The following EPB41 variants were observed in gnomAD, a reference collection of about 807,000 sequenced individuals.
The protein encoded by EPB41 is protein 4.1.
EPB41 carries 65 observed loss-of-function variants against 108.0 expected under a neutral mutation model. The observed-to-expected ratio is 0.60, with a 90% CI of 0.49 to 0.74. The LOEUF (loss-of-function observed/expected upper bound fraction) is 0.74. Among genes scored for constraint, EPB41 ranks in the 30% least tolerant of loss-of-function variants. The pLI is 0.00. For missense variants in EPB41, 875 were observed against 1,037.0 expected, an observed-to-expected ratio of 0.84 and a Z score of 2.15; for synonymous variants, 336 against 358.9, an observed-to-expected ratio of 0.94 and a Z score of 0.72.
At chr1:29,114,315 G>C (rs1670162865) in intron 19 of EPB41, among the ~76,000 whole-genome samples, 2 of 152,296 alleles carry the variant, frequency 1.3e-5, no homozygotes, top group South Asian at 2.1e-4. Context: ...CAACAGTGTG[G>C]TAAAGAGGAA....
chr1:29,008,825 G>T (rs758880027), intron 4 of EPB41, among the ~76,000 whole-genome samples: 8 of 152,162 alleles, frequency 5.3e-5, no homozygotes, highest in Non-Finnish European at 1.0e-4. Context: ...CAGCAACTCA[G>T]GTGTATTGCA....
chr1:28,952,890 C>T (rs1012373097), intron 1 of EPB41, among the ~76,000 whole-genome samples: 1 of 152,126 alleles, frequency 6.6e-6, no homozygotes, highest in Non-Finnish European at 1.5e-5. Context: ...CCACCACGCC[C>T]AGCTAATTTT....
At chr1:28,892,826 C>G (rs886812901) in intron 1 of EPB41, among the ~76,000 whole-genome samples, 14 of 99,480 alleles carry the variant, frequency 1.4e-4, no homozygotes, top group African/African-American at 5.5e-4. Flanking sequence ...TTTTTTGAGA[C>G]AGAATCTTAC....
chr1:28,924,014 C>T (rs1409117298), intron 1 of EPB41, among the ~76,000 whole-genome samples: 2 of 152,150 alleles, frequency 1.3e-5, no homozygotes, highest in Non-Finnish European at 2.9e-5. Context: ...ACTGTGGCTT[C>T]TCTCTTGGGA....
chr1:29,017,623 A>G (rs970994621), intron 6 of EPB41, among the ~76,000 whole-genome samples: 1 of 152,258 alleles, frequency 6.6e-6, no homozygotes, highest in African/African-American at 2.4e-5. Context: ...GAGAGAAAAT[A>G]CACCAGAATA....
At chr1:29,005,812 C>T (rs183116457) in intron 4 of EPB41, among the ~76,000 whole-genome samples, 7 of 152,262 alleles carry the variant, frequency 4.6e-5, no homozygotes, top group East Asian at 1.9e-4. Context: ...CCATAGGAGA[C>T]GGGTAATACT....
chr1:28,999,943 T>G (rs1326463416), intron 4 of EPB41, among the ~76,000 whole-genome samples: 1 of 151,994 alleles, frequency 6.6e-6, no homozygotes, highest in Non-Finnish European at 1.5e-5. Context: ...ACCACCATGC[T>G]TGGCCAATTT....
intron 1 of EPB41, among the ~76,000 whole-genome samples, chr1:28,898,086 A>G (rs573786370): frequency 6.6e-6 from 1 of 152,288 alleles, no homozygotes; most frequent in Admixed American, 6.5e-5. Flanking sequence ...TACTGTGCTC[A>G]GGATAGATGA....
At chr1:28,900,754 C>T (rs892705872) in intron 1 of EPB41, among the ~76,000 whole-genome samples, 2 of 152,014 alleles carry the variant, frequency 1.3e-5, no homozygotes, top group Non-Finnish European at 2.9e-5. Context: ...CTGTTAATGA[C>T]GAGAGGCATG....
At chr1:29,097,237 G>A (rs1447809366) in intron 16 of EPB41, 1 of 158,892 alleles carries the variant, frequency 6.3e-6, no homozygotes, top group Non-Finnish European at 1.4e-5. Flanking sequence ...CTGAAATTCT[G>A]GGATTAATCA....
At chr1:29,098,092 T>C (rs1663864933) in intron 17 of EPB41, among the ~76,000 whole-genome samples, 157 bp downstream of exon 17, 2 of 152,180 alleles carry the variant, frequency 1.3e-5, no homozygotes, top group African/African-American at 4.8e-5. Context: ...CCCAGACTAC[T>C]TTATCTAAAG....
At chr1:29,059,047 G>A (rs1402036262) in intron 14 of EPB41, among the ~76,000 whole-genome samples, 195 bp downstream of exon 14, 1 of 152,064 alleles carries the variant, frequency 6.6e-6, no homozygotes, top group African/African-American at 2.4e-5. Context: ...GGCCGAGGCA[G>A]GAGGATCACT....
chr1:29,111,607 C>T lies in EPB41; in HGVS notation c.2416-761C>T, dbSNP rs927980151. Among the ~76,000 whole-genome samples, 8 of 151,466 alleles carry T rather than the reference C, an allele frequency of 5.3e-5. No homozygotes were observed. The South Asian group carries it at 8.3e-4, about 16-fold the overall frequency. Reference sequence around the variant, plus strand: ...GACAGAGCTTGCAGTGAGCCGAGATCGCACCACTGTACTCCAGCCTGGGCG... The same window carrying T: ...GACAGAGCTTGCAGTGAGCCGAGATTGCACCACTGTACTCCAGCCTGGGCG... On this transcript the variant is annotated intron_variant, in intron 18 of 20. Transcript: ENST00000343067.
intron 1 of EPB41, among the ~76,000 whole-genome samples, chr1:28,982,086 T>G (rs1335664132): frequency 2.7e-5 from 4 of 148,982 alleles, no homozygotes; most frequent in African/African-American, 9.8e-5. Context: ...GATGTTCCCC[T>G]TCCTGTGTCC....
rs760165791 is a variant in EPB41 at position 29,018,215 on chromosome 1, T to C, written c.906-9T>C. 6.2e-7 allele frequency: 1 copy of C among 1,613,250 alleles called. No homozygotes were observed. Among genetic ancestry groups the C allele is most frequent in the Non-Finnish European group, 8.5e-7 (1 of 1,179,348 alleles). ...TTGCTGACATAACATTTTTCTCTTT[T>C]GGCTGTAGATATTATTTATGTCTTC... is the stretch of plus-strand genomic sequence containing the variant. On this transcript the variant is annotated splice_polypyrimidine_tract_variant and intron_variant, in intron 6 of 20. Transcript: ENST00000343067. The surrounding 1 kb of genome is among the most constrained non-coding windows in gnomAD (Gnocchi z 4.4).
chr1:28,996,151 G>A (rs2096169699), intron 3 of EPB41, among the ~76,000 whole-genome samples: 1 of 152,196 alleles, frequency 6.6e-6, no homozygotes, highest in Non-Finnish European at 1.5e-5. Flanking sequence ...GTTCAGAAAA[G>A]TTAATTGAAT....
chr1:28,887,393 CTGGG>C lies in EPB41; in HGVS notation c.-8+184_-8+187del, dbSNP rs1190330732. 11 of 985,394 alleles carry C rather than the reference CTGGG, an allele frequency of 1.1e-5. No individual in the cohort carries two copies. The highest frequency in any genetic ancestry group is 1.2e-5 in the Non-Finnish European group (10 of 829,920). 61.0% of individuals were successfully genotyped at this position (985,394 alleles called of 1,614,324 possible). ...ATCCGAACTTGGGGTCCAAAGGAGT[CTGGG>C]CATCTTAAAGTTCAGGGTGCAGGGA... On this transcript the variant is annotated intron_variant, in intron 1 of 16. Coordinates refer to the EPB41 transcript ENST00000347529. The surrounding 1 kb of genome is among the most constrained non-coding windows in gnomAD (Gnocchi z 4.9).
In EPB41 at chr1:29,018,327, C is replaced by T. The variant is rs368085650; in HGVS notation, c.1009C>T (p.Leu337=). The T allele has an allele frequency of 9.9e-6, 16 of 1,614,166 alleles. No individual in the cohort carries two copies. The highest frequency in any genetic ancestry group is 6.7e-5 in the Admixed American group (4 of 60,010). Residue 337 remains leucine (L), a synonymous_variant, in exon 7 of 21, where the codon CTG becomes TTG. Transcript: ENST00000343067. This position sits in a 1 kb window ranked among gnomAD's most constrained non-coding sequence, Gnocchi z 4.4. ...LLGSYTIQSE[L]GDYDPELHGV... ...AGGTTCTTACACCATCCAGTCTGAA[C>T]TGGGAGACTACGACCCAGAACTCCA... is the stretch of plus-strand genomic sequence containing the variant.
intron 1 of EPB41, among the ~76,000 whole-genome samples, chr1:28,974,759 T>C (rs184501130): frequency 3.7e-4 from 57 of 152,178 alleles, no homozygotes; most frequent in Admixed American, 7.2e-4. Flanking sequence ...TTGCAAGATA[T>C]TAATCTCTCT....
Sources: gnomAD v4.1 joint callset for allele counts (sites outside exome capture counted in the v4.1 genomes callset) on GRCh38, gnomAD v4.1.1 for gene constraint, Gnocchi (gnomAD v3.1) non-coding constraint, MANE v1.5 for transcripts, NCBI Gene and HGNC (gene_info 2026-07-23, HGNC 2026-07-21) for gene names.